Variants in CA10 observed in about 807,000 individuals in gnomAD.
CA10 encodes the protein carbonic anhydrase-related protein 10.
In CA10, 14 loss-of-function variants were observed where a neutral mutation model predicts 44.2. That is an observed-to-expected ratio of 0.32 (90% CI 0.21 to 0.50). The LOEUF is 0.50. Ranked by LOEUF, CA10 falls within the 20% of genes least tolerant of loss-of-function variation. The pLI is 0.99. For missense variants in CA10, 350 were observed against 409.7 expected, an observed-to-expected ratio of 0.85 and a Z score of 1.26; for synonymous variants, 159 against 141.6, an observed-to-expected ratio of 1.12 and a Z score of -0.87.
At chr17:52,051,053 G>C (rs1039910759) in intron 2 of CA10, among the ~76,000 whole-genome samples, 4 of 150,878 alleles carry the variant, frequency 2.7e-5, no homozygotes, top group African/African-American at 9.8e-5. Context: ...GAAGGAGGGA[G>C]GGAGGGGAAA....
intron 3 of CA10, among the ~76,000 whole-genome samples, chr17:51,884,817 T>C (rs776123099): frequency 6.6e-6 from 1 of 152,194 alleles, no homozygotes; most frequent in Non-Finnish European, 1.5e-5. Flanking sequence ...GCCTCTGTCC[T>C]AGCTTATGGT....
chr17:52,138,412 A>C (rs1051412943), intron 1 of CA10, among the ~76,000 whole-genome samples: 1 of 152,188 alleles, frequency 6.6e-6, no homozygotes, highest in South Asian at 2.1e-4. Flanking sequence ...TAGAATTAGG[A>C]CACAAACATC....
intron 1 of CA10, among the ~76,000 whole-genome samples, chr17:52,112,279 G>C (rs1309753782): frequency 6.6e-6 from 1 of 151,862 alleles, no homozygotes; most frequent in Admixed American, 6.6e-5. Flanking sequence ...GGCAAAAACA[G>C]ACTTTAATTT....
At chr17:52,121,219 G>T (rs537769545) in intron 1 of CA10, among the ~76,000 whole-genome samples, 101 of 152,238 alleles carry the variant, frequency 6.6e-4, no homozygotes, top group African/African-American at 2.3e-3. Context: ...TGGCAAATAC[G>T]CTAAGAAATC....
At chr17:51,917,735 C>T (rs1982061454) in intron 3 of CA10, among the ~76,000 whole-genome samples, 1 of 152,152 alleles carries the variant, frequency 6.6e-6, no homozygotes, top group East Asian at 1.9e-4. Flanking sequence ...TGGCACTCAA[C>T]CATTCATGGG....
chr17:52,120,401 T>A (rs1988987176), intron 1 of CA10, among the ~76,000 whole-genome samples: 1 of 151,590 alleles, frequency 6.6e-6, no homozygotes, highest in Admixed American at 6.6e-5. Context: ...TTAATATTGG[T>A]CTTCATCCTT....
At chr17:52,064,579 T>A (rs1480368908) in intron 2 of CA10, among the ~76,000 whole-genome samples, 7 of 134,588 alleles carry the variant, frequency 5.2e-5, no homozygotes, top group South Asian at 2.4e-4. Context: ...TTTTTTTTTT[T>A]AAAGTGGACA....
At chr17:52,058,637 G>A (rs1436951809) in intron 2 of CA10, among the ~76,000 whole-genome samples, 1 of 152,170 alleles carries the variant, frequency 6.6e-6, no homozygotes, top group Admixed American at 6.5e-5. Context: ...TAGCAGTTCA[G>A]ATTTCACTAT....
At chr17:52,118,266 T>A (rs1372991349) in intron 1 of CA10, among the ~76,000 whole-genome samples, 3 of 152,200 alleles carry the variant, frequency 2.0e-5, no homozygotes, top group Admixed American at 6.5e-5. Context: ...TAATGAGCGA[T>A]TTTCATTTGC....
chr17:52,157,384 G>A (rs898903817), intron 1 of CA10, among the ~76,000 whole-genome samples: 19 of 152,074 alleles, frequency 1.2e-4, no homozygotes, highest in Non-Finnish European at 2.1e-4. Context: ...CCAGGGGATG[G>A]GGGTGGTTGT....
Position 52,158,615 on chromosome 17 carries a change from C to T in CA10, c.-829G>A, listed in dbSNP as rs1989871805. 1 of 152,624 alleles carries T rather than the reference C, an allele frequency of 6.6e-6. No individual in the cohort carries two copies. The highest frequency in any genetic ancestry group is 6.5e-5 in the Admixed American group (1 of 15,296). The allele number at this position is 152,624 out of a possible 1,614,324, so 9.5% of individuals were successfully genotyped here. The stretch of plus-strand genomic sequence containing the variant: ...ACAGACTCTCCAGGTCGCGCGCGCC[C>T]TTCCTGCTCCTCTGCTATTTTCCTG... On this transcript the variant is annotated 5_prime_UTR_variant, in exon 1 of 9. Coordinates refer to ENST00000451037, the MANE Select transcript of CA10 (RefSeq NM_020178.5).
intron 1 of CA10, among the ~76,000 whole-genome samples, chr17:52,140,319 G>A (rs888541136): frequency 6.6e-6 from 1 of 152,196 alleles, no homozygotes; most frequent in Non-Finnish European, 1.5e-5. Context: ...GGAAGGGACA[G>A]ATAGAAAGTA....
chr17:52,090,927 A>T (rs1440416794), intron 1 of CA10, among the ~76,000 whole-genome samples: 1 of 152,210 alleles, frequency 6.6e-6, no homozygotes, highest in Non-Finnish European at 1.5e-5. Context: ...GAAGACAAAG[A>T]TTTATGTAAA....
At chr17:52,082,643 T>C (rs1988013146) in intron 1 of CA10, among the ~76,000 whole-genome samples, 1 of 152,176 alleles carries the variant, frequency 6.6e-6, no homozygotes, top group Non-Finnish European at 1.5e-5. Context: ...AGTTACTTTG[T>C]AAAAAATGTT....
intron 2 of CA10, among the ~76,000 whole-genome samples, chr17:52,068,458 A>C (rs1175543345): frequency 6.6e-6 from 1 of 152,232 alleles, no homozygotes; most frequent in East Asian, 1.9e-4. Context: ...GGACTAATAC[A>C]ATCCCTCTTT....
chr17:51,650,202 A>C (rs1913513088), intron 5 of CA10, among the ~76,000 whole-genome samples: 1 of 152,128 alleles, frequency 6.6e-6, no homozygotes, highest in Non-Finnish European at 1.5e-5. Flanking sequence ...CTACATAAGA[A>C]AAGGGTTTTC....
intron 1 of CA10, among the ~76,000 whole-genome samples, chr17:52,148,865 C>A (rs4613111): frequency 0.17 from 25,623 of 152,106 alleles, 2,344 homozygotes; most frequent in African/African-American, 0.22. Context: ...CAGTGCCCAC[C>A]TCATAGGAGG....
chr17:51,852,616 T>A (rs1235540246), intron 3 of CA10, among the ~76,000 whole-genome samples: 1 of 152,176 alleles, frequency 6.6e-6, no homozygotes, highest in Non-Finnish European at 1.5e-5. Context: ...CTATGCTGAG[T>A]TAAACACTTG....
At chr17:52,091,273 A>G (rs1282900561) in intron 1 of CA10, among the ~76,000 whole-genome samples, 2 of 152,108 alleles carry the variant, frequency 1.3e-5, no homozygotes, top group Non-Finnish European at 2.9e-5. Context: ...TGTAATGTGT[A>G]TTTTTTATGA....
Sources: allele counts gnomAD v4.1 joint callset (sites outside exome capture counted in the v4.1 genomes callset), GRCh38; gene constraint gnomAD v4.1.1; transcripts MANE v1.5; gene names NCBI Gene and HGNC (gene_info 2026-07-23, HGNC 2026-07-21).